MFHAS1: variants seen among roughly 807,000 people sequenced by gnomAD.
MFHAS1 encodes the protein multifunctional ROCO family signaling regulator 1, also known as malignant fibrous histiocytoma-amplified sequence 1.
Under a neutral mutation model 70.4 loss-of-function variants are expected in MFHAS1, and 50 were observed. The observed-to-expected ratio is 0.71, with a 90% confidence interval of 0.57 to 0.90. The LOEUF (loss-of-function observed/expected upper bound fraction) is 0.90. Ranked by LOEUF, MFHAS1 falls within the 40% of genes least tolerant of loss-of-function variation. The pLI is 0.00. For synonymous variants in MFHAS1, 952 were observed against 620.0 expected, an observed-to-expected ratio of 1.54 and a Z score of -7.96; for missense variants, 1,795 against 1,347.6, an observed-to-expected ratio of 1.33 and a Z score of -5.20.
intron 1 of MFHAS1, among the ~76,000 whole-genome samples, chr8:8,866,957 G>C (rs1808882449): frequency 6.6e-6 from 1 of 152,160 alleles, no homozygotes; most frequent in African/African-American, 2.4e-5. Context: ...TTTTTAAGGT[G>C]TAATCCCATC....
chr8:8,803,106 T>TTCTTCCTGTGAACAAGGTTTGC (rs1267083361), intron 1 of MFHAS1, among the ~76,000 whole-genome samples: 2 of 152,194 alleles, frequency 1.3e-5, no homozygotes, highest in Admixed American at 6.5e-5. Flanking sequence ...GGATGTTGCA[T>TTCTTCCTGTGAACAAGGTTTGC]TCTTCCTGTG....
In MFHAS1 at chr8:8,797,468, G is replaced by A; in HGVS notation, c.3022C>T (p.Pro1008Ser). 2 of 1,614,048 alleles carry A rather than the reference G, an allele frequency of 1.2e-6. No individual in the cohort carries two copies. The highest frequency in any genetic ancestry group is 1.7e-6 in the Non-Finnish European group (2 of 1,179,946). The change falls in exon 2 of 3, where the codon CCG becomes TCG. Residue 1008 changes from proline (P) to serine (S), a missense_variant. Physicochemically the swap from Pro to Ser is moderately conservative, Grantham distance 74. Transcript: ENST00000276282. Reference sequence around the variant, plus strand: ...CAAATGATCTCTGCCACTCCTTCCGGTCTGGGCTGACTCAGCAACTCCCCT... The same window carrying A: ...CAAATGATCTCTGCCACTCCTTCCGATCTGGGCTGACTCAGCAACTCCCCT... ...FPGELLSQPR[P>S]EGVAEIICPK...
At chr8:8,838,262 C>T (rs1807679036) in intron 1 of MFHAS1, among the ~76,000 whole-genome samples, 1 of 152,122 alleles carries the variant, frequency 6.6e-6, no homozygotes. Flanking sequence ...ATGAGGGAGG[C>T]CTGGCTGGGA....
At chr8:8,796,813 G>C (rs1220717060) in intron 2 of MFHAS1, among the ~76,000 whole-genome samples, 1 of 151,634 alleles carries the variant, frequency 6.6e-6, no homozygotes, top group African/African-American at 2.4e-5. Flanking sequence ...GGCTAACAGG[G>C]TGAAACCCTG....
rs192679289 is a variant in MFHAS1, at chr8:8,785,513, C to T, written c.*509G>A. 2.0e-5 allele frequency: 3 copies of T among 153,550 alleles called. No homozygotes were observed. Among genetic ancestry groups the T allele is most frequent in the East Asian group, 1.9e-4 (1 of 5,216 alleles). The allele number at this position is 153,550 out of a possible 1,614,324, so 9.5% of individuals were successfully genotyped here. A position where few individuals can be genotyped will look rare whatever the true frequency, so the allele number is the denominator to read the frequency against. On this transcript the variant is annotated 3_prime_UTR_variant, in exon 3 of 3. Coordinates refer to ENST00000276282, the MANE Select transcript of MFHAS1 (RefSeq NM_004225.3). The stretch of plus-strand genomic sequence containing the variant: ...GAATATTGCACCCAGTGTGAACTAA[C>T]GCTAGAAGCTTCAAACTGTATAAAT...
intron 1 of MFHAS1, among the ~76,000 whole-genome samples, chr8:8,889,216 T>TA (rs1365031082): frequency 6.6e-6 from 1 of 152,038 alleles, no homozygotes; most frequent in Non-Finnish European, 1.5e-5. Context: ...GCTTAACACT[T>TA]ACCAAAAAAC....
chr8:8,843,519 C>A (rs1563200299), intron 1 of MFHAS1, among the ~76,000 whole-genome samples: 1 of 152,112 alleles, frequency 6.6e-6, no homozygotes, highest in Non-Finnish European at 1.5e-5. Flanking sequence ...AGGTTAAGGC[C>A]GTAGCGAGTG....
chr8:8,791,165 T>A, intron 2 of MFHAS1, among the ~76,000 whole-genome samples: 1 of 145,326 alleles, frequency 6.9e-6, no homozygotes, highest in Admixed American at 6.9e-5. Context: ...TAACACATGA[T>A]CAGCCAAAAT....
intron 1 of MFHAS1, among the ~76,000 whole-genome samples, chr8:8,856,389 G>T (rs1027407152): frequency 2.0e-5 from 3 of 152,184 alleles, no homozygotes; most frequent in Admixed American, 6.5e-5. Flanking sequence ...CGTATTTCAA[G>T]ATCAAACAAA....
rs778272500 is a variant in MFHAS1, at chr8:8,787,247, A to AT, written c.3126-1193dup. Among the ~76,000 whole-genome samples, 12 of 152,018 alleles carry AT rather than the reference A, an allele frequency of 7.9e-5. No individual in the cohort carries two copies. In the East Asian group the frequency reaches 1.4e-3, roughly 17 times the overall value. ...ATGTGCCCGCCACCACACGCGGCTAATTTTTTGCATTTTTAGTAGAGATGG... is the reference window on the plus strand; with the variant it reads ...ATGTGCCCGCCACCACACGCGGCTAATTTTTTTGCATTTTTAGTAGAGATGG... On this transcript the variant is annotated intron_variant, in intron 2 of 2. Coordinates refer to ENST00000276282, the MANE Select transcript of MFHAS1 (RefSeq NM_004225.3).
intron 1 of MFHAS1, among the ~76,000 whole-genome samples, chr8:8,863,939 C>G (rs1808760948): frequency 6.6e-6 from 1 of 152,206 alleles, no homozygotes; most frequent in Non-Finnish European, 1.5e-5. Flanking sequence ...CAAGGAGACA[C>G]CAGACCCTTC....
At chr8:8,830,145 G>A (rs1466992901) in intron 1 of MFHAS1, among the ~76,000 whole-genome samples, 1 of 152,180 alleles carries the variant, frequency 6.6e-6, no homozygotes, top group Non-Finnish European at 1.5e-5. Context: ...ACACATATAT[G>A]AGGTGGCCCC....
At chr8:8,857,250 C>T (rs1041267085) in intron 1 of MFHAS1, among the ~76,000 whole-genome samples, 3 of 152,158 alleles carry the variant, frequency 2.0e-5, no homozygotes, top group Non-Finnish European at 4.4e-5. Flanking sequence ...TGTTTAGTTA[C>T]TAAACTGCCA....
intron 1 of MFHAS1, among the ~76,000 whole-genome samples, chr8:8,872,963 C>T (rs1245697760): frequency 2.6e-5 from 4 of 152,060 alleles, no homozygotes; most frequent in Non-Finnish European, 5.9e-5. Context: ...CGGAGACAAC[C>T]GGGCAGTGCC....
chr8:8,851,828 C>A (rs1387825190), intron 1 of MFHAS1, among the ~76,000 whole-genome samples: 1 of 152,082 alleles, frequency 6.6e-6, no homozygotes, highest in Non-Finnish European at 1.5e-5. Context: ...AGTTGTGATG[C>A]CCCCCGCAAA....
chr8:8,879,651 C>G (rs1191772250), intron 1 of MFHAS1, among the ~76,000 whole-genome samples: 1 of 152,136 alleles, frequency 6.6e-6, no homozygotes, highest in Non-Finnish European at 1.5e-5. Context: ...GGGTTCCCCC[C>G]AAAGTAACAT....
chr8:8,814,708 T>A (rs2117290268), intron 1 of MFHAS1, among the ~76,000 whole-genome samples: 1 of 152,226 alleles, frequency 6.6e-6, no homozygotes, highest in East Asian at 1.9e-4. Flanking sequence ...AATAATTTTT[T>A]TAAATGGGTA....
chr8:8,879,718 A>T (rs1037297331), intron 1 of MFHAS1, among the ~76,000 whole-genome samples: 1 of 152,220 alleles, frequency 6.6e-6, no homozygotes, highest in East Asian at 1.9e-4. Context: ...TACAAGAATC[A>T]ACAATGACAT....
chr8:8,840,607 GAAAGCA>G (rs1407976184), intron 1 of MFHAS1, among the ~76,000 whole-genome samples: 11 of 152,054 alleles, frequency 7.2e-5, no homozygotes, highest in African/African-American at 2.7e-4. Flanking sequence ...CACTGTACAC[GAAAGCA>G]AAAGTATCCT....
Sources: gnomAD v4.1 joint callset for allele counts (sites outside exome capture counted in the v4.1 genomes callset) on GRCh38, gnomAD v4.1.1 for gene constraint, MANE v1.5 for transcripts, NCBI Gene and HGNC (gene_info 2026-07-23, HGNC 2026-07-21) for gene names.